ATP9B: variants seen among roughly 807,000 people sequenced by gnomAD.
The protein encoded by ATP9B is ATPase phospholipid transporting 9B.
A neutral mutation model predicts 146.1 loss-of-function variants in ATP9B; 110 were observed. The observed-to-expected ratio is 0.75, with a 90% confidence interval of 0.65 to 0.88. The LOEUF (loss-of-function observed/expected upper bound fraction) is 0.88, where lower values mean the gene tolerates loss of function less well. ATP9B is among the 40% of genes least tolerant of loss of function. The pLI is 0.00. For missense variants in ATP9B, 1,499 were observed against 1,496.4 expected (o/e 1.00, Z -0.03); for synonymous variants, 604 against 569.7 (o/e 1.06, Z -0.86).
chr18:79,362,513 G>A (rs1451119432), intron 26 of ATP9B: 3 of 152,196 alleles, frequency 2.0e-5, no homozygotes, highest in Non-Finnish European at 4.4e-5. Flanking sequence ...ATTCTGCTTT[G>A]AATTATTAAA....
At chr18:79,098,338 C>T (rs111418042) in intron 2 of ATP9B, among the ~76,000 whole-genome samples, 1 of 147,568 alleles carries the variant, frequency 6.8e-6, no homozygotes, top group Middle Eastern at 3.4e-3. Context: ...ACTTCATGTC[C>T]AAAACACCAA....
In ATP9B at chr18:79,345,581, C is replaced by T. The variant is rs775592827; in HGVS notation, c.2617+9C>T. The T allele has an allele frequency of 7.5e-6, 12 of 1,604,994 alleles. No homozygotes were observed. Among genetic ancestry groups the T allele is most frequent in the East Asian group, 6.7e-5 (3 of 44,814 alleles). On this transcript the variant is annotated intron_variant, in intron 22 of 29. Transcript: ENST00000426216. ...ACGCACCTGCGCCATCGGTGAGAGC[C>T]GCCCACCCTGCTCACAGGGAGGTCT...
chr18:79,274,967 C>T (rs1016824443), intron 12 of ATP9B, among the ~76,000 whole-genome samples: 5 of 152,212 alleles, frequency 3.3e-5, no homozygotes, highest in Non-Finnish European at 7.3e-5. Flanking sequence ...AAGAGCCATC[C>T]TGGTCCTTTG....
intron 12 of ATP9B, among the ~76,000 whole-genome samples, chr18:79,271,198 A>T (rs2096249780): frequency 6.6e-6 from 1 of 152,116 alleles, no homozygotes; most frequent in South Asian, 2.1e-4. Context: ...TGCTTACACC[A>T]GTTTAAATGA....
At chr18:79,110,618 C>G in intron 3 of ATP9B, 113 bp downstream of exon 3, 1 of 989,916 alleles carries the variant, frequency 1.0e-6, no homozygotes, top group Admixed American at 3.0e-5. Flanking sequence ...GTGTCACATC[C>G]AAATCAGTGT....
chr18:79,204,605 A>G (rs2095517923), intron 9 of ATP9B, among the ~76,000 whole-genome samples: 1 of 152,238 alleles, frequency 6.6e-6, no homozygotes, highest in Non-Finnish European at 1.5e-5. Flanking sequence ...AGCATGCAAC[A>G]TGTTGTACTT....
At chr18:79,252,326 T>C (rs941861666) in intron 11 of ATP9B, among the ~76,000 whole-genome samples, 1 of 152,234 alleles carries the variant, frequency 6.6e-6, no homozygotes, top group Admixed American at 6.5e-5. Context: ...TGCCGCTAAG[T>C]GGCAGGGCCA....
intron 1 of ATP9B, among the ~76,000 whole-genome samples, chr18:79,088,580 AAAGC>A (rs1408372173): frequency 6.6e-6 from 1 of 152,230 alleles, no homozygotes; most frequent in Non-Finnish European, 1.5e-5. Flanking sequence ...TGGAGACACT[AAAGC>A]AAGTAACATT....
chr18:79,100,801 C>T (rs1055909593), intron 2 of ATP9B, among the ~76,000 whole-genome samples: 1 of 152,106 alleles, frequency 6.6e-6, no homozygotes, highest in Admixed American at 6.6e-5. Flanking sequence ...CAAGGAGGAA[C>T]AAGTCACATC....
chr18:79,297,668 T>G (rs1483164317), intron 13 of ATP9B, among the ~76,000 whole-genome samples: 1 of 152,234 alleles, frequency 6.6e-6, no homozygotes. Context: ...AAAATTCTCT[T>G]CTTAATAGAG....
chr18:79,279,090 C>T (rs2096347398), intron 13 of ATP9B, among the ~76,000 whole-genome samples: 1 of 152,148 alleles, frequency 6.6e-6, no homozygotes. Context: ...GCACGGGAAG[C>T]CATCAGGCCA....
chr18:79,231,707 C>T (rs927970194), intron 11 of ATP9B, among the ~76,000 whole-genome samples: 3 of 150,946 alleles, frequency 2.0e-5, no homozygotes, highest in African/African-American at 2.4e-5. Flanking sequence ...GCACAATTCA[C>T]GATTGCAAAA....
intron 26 of ATP9B, chr18:79,362,303 C>A (rs1244374904): frequency 1.3e-5 from 2 of 152,082 alleles, no homozygotes; most frequent in East Asian, 3.9e-4. Context: ...AACATTTGTC[C>A]CCTGCTGTGT....
chr18:79,111,843 G>A (rs920769208), intron 3 of ATP9B, among the ~76,000 whole-genome samples: 3 of 152,156 alleles, frequency 2.0e-5, no homozygotes, highest in Admixed American at 2.0e-4. Context: ...TCTGAAATTA[G>A]TCTTTTCATC....
intron 25 of ATP9B, among the ~76,000 whole-genome samples, chr18:79,351,852 G>T (rs771976003): frequency 1.3e-5 from 2 of 152,176 alleles, no homozygotes; most frequent in Middle Eastern, 3.4e-3. Flanking sequence ...CAGCAGGAGG[G>T]GCTGGGAGAG....
At chr18:79,153,959 T>A (rs1211823704) in intron 6 of ATP9B, among the ~76,000 whole-genome samples, 2 of 33,348 alleles carry the variant, frequency 6.0e-5, no homozygotes, top group African/African-American at 3.7e-4. Context: ...ACATGCAGCT[T>A]TTTTTTTTTT....
chr18:79,227,960 C>A (rs947546665), intron 11 of ATP9B, among the ~76,000 whole-genome samples: 24 of 152,214 alleles, frequency 1.6e-4, no homozygotes, highest in African/African-American at 5.3e-4. Context: ...GGTTGAAAAT[C>A]TCATATTTGT....
rs371993624 is a variant in ATP9B, at chr18:79,290,275, G to C, written c.1411+13079G>C. 9.0e-3 allele frequency among the ~76,000 whole-genome samples: 1,374 copies of C among 152,272 alleles called. 8 individuals carry two copies. Among genetic ancestry groups the C allele is most frequent in the African/African-American group, 0.023 (964 of 41,554 alleles). On this transcript the variant is annotated intron_variant, in intron 13 of 29. Transcript: ENST00000426216. ...GAGCTGTGGTGGGCTCCACCCAGTT[G>C]GAGCTTCCTGGCTGCTTTGTTTACC...
intron 7 of ATP9B, among the ~76,000 whole-genome samples, chr18:79,169,290 T>A (rs1485077849): frequency 1.3e-5 from 2 of 152,228 alleles, no homozygotes; most frequent in African/African-American, 4.8e-5. Context: ...TCTTATTTTC[T>A]CTTTCACATT....
Sources: gnomAD v4.1 joint callset for allele counts (sites outside exome capture counted in the v4.1 genomes callset) on GRCh38, gnomAD v4.1.1 for gene constraint, MANE v1.5 for transcripts, NCBI Gene and HGNC (gene_info 2026-07-23, HGNC 2026-07-21) for gene names.